The following NRBP1 variants were observed in gnomAD, a reference collection of about 807,000 sequenced individuals.
NRBP1 encodes the protein nuclear receptor binding protein 1.
NRBP1 carries 10 observed loss-of-function variants against 76.0 expected under a neutral mutation model. The ratio of observed to expected loss-of-function variants is 0.13; its 90% CI spans 0.08 to 0.22. The LOEUF is 0.22. Ranked by LOEUF, NRBP1 falls within the 10% of genes least tolerant of loss-of-function variation. The probability of loss-of-function intolerance (pLI) is 1.00; values close to 1 mark genes in which losing one functional copy is unlikely to be tolerated. For synonymous variants in NRBP1, 235 were observed against 240.2 expected, an observed-to-expected ratio of 0.98 and a Z score of 0.20; for missense variants, 344 against 646.0, an observed-to-expected ratio of 0.53 and a Z score of 5.07.
rs375458397 is a variant in NRBP1 at position 27,440,802 on chromosome 2, C to T, written c.1194-3C>T. 112 of 1,613,952 alleles carry T rather than the reference C, an allele frequency of 6.9e-5. No individual in the cohort carries two copies. The highest frequency in any genetic ancestry group is 1.8e-4 in the Admixed American group (11 of 60,004). ...CATGTGACCTGTCTTCATCTCCCTC[C>T]AGGAATGGGATCTATCCTCTGACAG... On this transcript the variant is annotated splice_region_variant and splice_polypyrimidine_tract_variant and intron_variant, in intron 13 of 17. Coordinates refer to ENST00000379852, the MANE Select transcript of NRBP1 (RefSeq NM_013392.4).
At chr2:27,437,414 T>C in intron 10 of NRBP1, 54 bp downstream of exon 10, 1 of 1,335,232 alleles carries the variant, frequency 7.5e-7, no homozygotes, top group South Asian at 1.2e-5. Context: ...TGTCTTCTGG[T>C]TTTTCTTCCT....
chr2:27,433,923 A>C, intron 3 of NRBP1, 66 bp from the exon 4 acceptor site: 1 of 1,592,380 alleles, frequency 6.3e-7, no homozygotes, highest in Non-Finnish European at 8.6e-7. Context: ...AGGGATAGGG[A>C]ATGGCTTCTC....
chr2:27,429,282 T>G (rs1664009244), intron 1 of NRBP1: 1 of 152,428 alleles, frequency 6.6e-6, no homozygotes, highest in Admixed American at 6.5e-5. Context: ...AGTGTGAAAT[T>G]CTAGGGGCCG....
At chr2:27,434,589 G>A (rs1326531532) in intron 5 of NRBP1, 29 bp downstream of exon 5, 1 of 1,607,816 alleles carries the variant, frequency 6.2e-7, no homozygotes, top group Admixed American at 1.7e-5. Context: ...CAAAGTTTGA[G>A]GCTGGTTTTT....
chr2:27,428,688 C>T lies in NRBP1; in HGVS notation c.-64C>T, dbSNP rs1313279051. 7.5e-6 allele frequency: 3 copies of T among 398,054 alleles called. No homozygotes were observed. The highest frequency in any genetic ancestry group is 3.6e-5 in the East Asian group (1 of 28,052). The allele number at this position is 398,054 out of a possible 1,614,324, so 24.7% of individuals were successfully genotyped here. A position where few individuals can be genotyped will look rare whatever the true frequency, so the allele number is the denominator to read the frequency against. ...CGCTGTGATCCGGGGCCCCGGAACC[C>T]GAGCTGGAGCTGAAGCGCAGGCTGC... is the stretch of plus-strand genomic sequence containing the variant. On this transcript the variant is annotated 5_prime_UTR_variant, in exon 1 of 18. Coordinates refer to ENST00000379852, the MANE Select transcript of NRBP1 (RefSeq NM_013392.4).
At chr2:27,440,349 T>G in intron 11 of NRBP1, 54 bp from the exon 12 acceptor site, 15 of 1,257,956 alleles carry the variant, frequency 1.2e-5, no homozygotes, top group African/African-American at 2.9e-5. Flanking sequence ...ATGCCTTCTT[T>G]GACATTTAAT....
intron 1 of NRBP1, among the ~76,000 whole-genome samples, chr2:27,429,972 TA>T (rs2148443124): frequency 6.6e-6 from 1 of 152,242 alleles, no homozygotes; most frequent in East Asian, 1.9e-4. Context: ...AGGAAGTAAC[TA>T]ATAGTGTCTT....
Position 27,436,689 on chromosome 2 carries a change from T to C in NRBP1, c.662-64T>C, listed in dbSNP as rs1185109250. On this transcript the variant is annotated intron_variant, in intron 7 of 17. Transcript: ENST00000379852. ...GAGAGAATTTGGCTTTTGGGGCCTC[T>C]CTCTGGAGTGAGACTATTCTTCATT... 2.7e-6 allele frequency: 4 copies of C among 1,464,888 alleles called. No individual in the cohort carries two copies. The South Asian group carries it at 4.6e-5, about 17-fold the overall frequency. 90.7% of individuals were successfully genotyped at this position (1,464,888 alleles called of 1,614,324 possible). A position where few individuals can be genotyped will look rare whatever the true frequency, so the allele number is the denominator to read the frequency against.
rs1450334756 is a variant in NRBP1, at chr2:27,440,522, A to G, written c.1142+14A>G. 6.2e-7 allele frequency: 1 copy of G among 1,604,570 alleles called. No homozygotes were observed. The highest frequency in any genetic ancestry group is 8.5e-7 in the Non-Finnish European group (1 of 1,171,450). On this transcript the variant is annotated intron_variant, in intron 12 of 17. Coordinates refer to ENST00000379852, the MANE Select transcript of NRBP1 (RefSeq NM_013392.4). ...AGTTCAGACTTTGTGAGTAACTGAG[A>G]GGGTCTGAAAGGGGCAGATTGGTCA...
chr2:27,429,055 G>GGCGGCGGTC (rs1356318111), intron 1 of NRBP1: 1 of 196,482 alleles, frequency 5.1e-6, no homozygotes, highest in East Asian at 1.2e-4. Context: ...CGGGGGCGGG[G>GGCGGCGGTC]GCGGCGGTCG....
chr2:27,428,052 T>C (rs1395374001), upstream of NRBP1: 1 of 152,254 alleles, frequency 6.6e-6, no homozygotes, highest in Non-Finnish European at 1.5e-5. Context: ...TCAACTACCA[T>C]TGAATGATAA....
intron 7 of NRBP1, 103 bp from the exon 8 acceptor site, chr2:27,436,650 A>C: frequency 1.1e-6 from 1 of 909,742 alleles, no homozygotes; most frequent in Non-Finnish European, 1.8e-6. Flanking sequence ...GGGTCATCAG[A>C]AAGGAGACTT....
At chr2:27,435,534 G>A in intron 7 of NRBP1, 1 of 636,536 alleles carries the variant, frequency 1.6e-6, no homozygotes, top group East Asian at 2.7e-5. Flanking sequence ...CCCTGCCAGA[G>A]GAGGTTCCAG....
rs1572698454 is a variant in NRBP1, at chr2:27,441,868, G to T, written c.*56G>T. On this transcript the variant is annotated 3_prime_UTR_variant, in exon 18 of 18. Coordinates refer to ENST00000379852, the MANE Select transcript of NRBP1 (RefSeq NM_013392.4). ...TGTGGCTGTCCCTGGACGTGCTGCA[G>T]CCCTCCTGTCCCTTCCCCCCAGTCA... is the stretch of plus-strand genomic sequence containing the variant. 5 of 1,064,920 alleles carry T rather than the reference G, an allele frequency of 4.7e-6. No individual in the cohort carries two copies. The highest frequency in any genetic ancestry group is 2.9e-6 in the Non-Finnish European group (2 of 699,382). 66.0% of individuals were successfully genotyped at this position (1,064,920 alleles called of 1,614,324 possible).
At chr2:27,441,387 A>G (rs1221614221) in intron 16 of NRBP1, 57 bp downstream of exon 16, 5 of 1,548,330 alleles carry the variant, frequency 3.2e-6, no homozygotes, top group East Asian at 4.5e-5. Flanking sequence ...TCTTTTAGGG[A>G]CATATTCAGG....
intron 16 of NRBP1, 79 bp from the exon 17 acceptor site, chr2:27,441,488 T>A: frequency 6.6e-7 from 1 of 1,510,544 alleles, no homozygotes; most frequent in Non-Finnish European, 9.2e-7. Flanking sequence ...ACTGACAGTT[T>A]AGCCCTAGTG....
At position 27,428,830 on chromosome 2, in the gene NRBP1, G is replaced by T. The variant is rs1428718096; in HGVS notation, c.-21+99G>T. 6 of 397,922 alleles carry T rather than the reference G, an allele frequency of 1.5e-5. No homozygotes were observed. The Admixed American group carries it at 1.8e-4, about 12-fold the overall frequency. The allele number at this position is 397,922 out of a possible 1,614,324, so 24.6% of individuals were successfully genotyped here. A position where few individuals can be genotyped will look rare whatever the true frequency, so the allele number is the denominator to read the frequency against. On this transcript the variant is annotated intron_variant, in intron 1 of 17. Transcript: ENST00000379852. Reference sequence around the variant, plus strand: ...CGGGACGGTGGGACCCGCCAGTCGGGTGCTGAAGGCGGCCCTGCTCACTCA... The same window carrying T: ...CGGGACGGTGGGACCCGCCAGTCGGTTGCTGAAGGCGGCCCTGCTCACTCA...
chr2:27,441,462 G>A (rs901804291), intron 16 of NRBP1, 105 bp from the exon 17 acceptor site: 2 of 1,452,406 alleles, frequency 1.4e-6, no homozygotes, highest in African/African-American at 1.4e-5. Flanking sequence ...AGACCCTAAA[G>A]CAGTGGGTGG....
intron 10 of NRBP1, among the ~76,000 whole-genome samples, chr2:27,437,599 T>C (rs1301891046): frequency 1.3e-5 from 2 of 152,138 alleles, no homozygotes; most frequent in Non-Finnish European, 2.9e-5. Context: ...AAGCCGGGCA[T>C]GGTGGCTCAC....
Sources: allele counts gnomAD v4.1 joint callset (sites outside exome capture counted in the v4.1 genomes callset), GRCh38; gene constraint gnomAD v4.1.1; transcripts MANE v1.5; gene names NCBI Gene and HGNC (gene_info 2026-07-23, HGNC 2026-07-21).